The following AUTS2 variants were observed in gnomAD, a reference collection of about 807,000 sequenced individuals.
The protein encoded by AUTS2 is autism susceptibility gene 2 protein.
AUTS2 carries 17 observed loss-of-function variants against 112.4 expected under a neutral mutation model. The observed-to-expected ratio is 0.15, with a 90% CI of 0.10 to 0.23. AUTS2 has a LOEUF of 0.23. AUTS2 is among the 10% of genes least tolerant of loss of function. The probability of loss-of-function intolerance (pLI) is 1.00; values close to 1 mark genes in which losing one functional copy is unlikely to be tolerated. For synonymous variants in AUTS2, 751 were observed against 702.7 expected (o/e 1.07, Z -1.09); for missense variants, 1,510 against 1,701.6 (o/e 0.89, Z 1.98).
chr7:70,460,753 C>T (rs1004388002), intron 5 of AUTS2, among the ~76,000 whole-genome samples: 1 of 152,162 alleles, frequency 6.6e-6, no homozygotes, highest in South Asian at 2.1e-4. Context: ...TCGAATGTCT[C>T]TGTCTCCATT....
intron 6 of AUTS2, among the ~76,000 whole-genome samples, chr7:70,760,902 T>G (rs765707084): frequency 7.9e-5 from 12 of 152,230 alleles, no homozygotes; most frequent in Non-Finnish European, 1.6e-4. Context: ...CTGAAGCATG[T>G]GAAGAAGGCA....
At chr7:70,118,031 A>G in intron 2 of AUTS2, 101 bp from the exon 3 acceptor site, 1 of 1,368,454 alleles carries the variant, frequency 7.3e-7, no homozygotes, top group South Asian at 1.9e-5. Flanking sequence ...TACAGGCGTG[A>G]GCCACCGTGC....
At chr7:69,871,947 C>G (rs776145934) in intron 1 of AUTS2, among the ~76,000 whole-genome samples, 17 of 152,198 alleles carry the variant, frequency 1.1e-4, no homozygotes, top group Non-Finnish European at 2.2e-4. Flanking sequence ...TGCAGGCTCA[C>G]TGGAGTTCTA....
chr7:69,967,480 T>G (rs1331429625), intron 2 of AUTS2, among the ~76,000 whole-genome samples: 2 of 151,910 alleles, frequency 1.3e-5, no homozygotes, highest in African/African-American at 2.4e-5. Context: ...AGTCCTGGAG[T>G]GCAGTTTCCG....
intron 1 of AUTS2, among the ~76,000 whole-genome samples, chr7:69,794,697 C>G (rs912746182): frequency 6.6e-6 from 1 of 151,836 alleles, no homozygotes; most frequent in African/African-American, 2.4e-5. Flanking sequence ...AAGGTAAAGC[C>G]ACTCAATTAC....
intron 1 of AUTS2, among the ~76,000 whole-genome samples, chr7:69,662,091 T>C (rs914942594): frequency 6.6e-6 from 1 of 152,146 alleles, no homozygotes; most frequent in African/African-American, 2.4e-5. Flanking sequence ...CATGTATACT[T>C]CTTATTCCCT....
intron 5 of AUTS2, among the ~76,000 whole-genome samples, chr7:70,592,208 CTTCT>C (rs1802981474): frequency 6.6e-6 from 1 of 152,122 alleles, no homozygotes; most frequent in Admixed American, 6.5e-5. Context: ...AGGGCAGAAT[CTTCT>C]TTCTTCTCTT....
chr7:69,803,746 T>G (rs1406074805), intron 1 of AUTS2, among the ~76,000 whole-genome samples: 3 of 152,238 alleles, frequency 2.0e-5, no homozygotes, highest in Admixed American at 6.5e-5. Context: ...TTTCATTTTC[T>G]AGGCCAGGCA....
chr7:70,460,550 C>T (rs1796922714), intron 5 of AUTS2, among the ~76,000 whole-genome samples: 1 of 151,782 alleles, frequency 6.6e-6, no homozygotes, highest in African/African-American at 2.4e-5. Flanking sequence ...GGGGTTTCAC[C>T]ATGTTGGCCA....
intron 4 of AUTS2, among the ~76,000 whole-genome samples, chr7:70,240,377 A>G (rs556419245): frequency 6.6e-6 from 1 of 152,324 alleles, no homozygotes; most frequent in Non-Finnish European, 1.5e-5. Flanking sequence ...TTGATAATAC[A>G]TATGTGGTTT....
chr7:70,785,995 A>G lies in AUTS2; in HGVS notation c.2265A>G (p.Ala755=). 1.2e-6 allele frequency: 2 copies of G among 1,614,158 alleles called. No individual in the cohort carries two copies. Among genetic ancestry groups the G allele is most frequent in the South Asian group, 1.1e-5 (1 of 91,080 alleles). The change falls in exon 17 of 19, where the codon GCA becomes GCG. Residue 755 remains alanine (A), a synonymous_variant. Coordinates refer to ENST00000342771, the MANE Select transcript of AUTS2 (RefSeq NM_015570.4). ...CGTCTACATTCACAGGCCTAGCAGC[A>G]GTTGGTGGCAATGCCTTCGGGGGAC... ...NRPSTFTGLA[A]VGGNAFGGLG...
chr7:70,147,221 TAA>T (rs894476526), intron 4 of AUTS2, among the ~76,000 whole-genome samples: 1 of 141,538 alleles, frequency 7.1e-6, no homozygotes, highest in Non-Finnish European at 1.5e-5. Flanking sequence ...CAATATCTCT[TAA>T]AAAAAAAAAA....
intron 2 of AUTS2, among the ~76,000 whole-genome samples, chr7:70,007,770 G>C (rs1305809539): frequency 6.6e-6 from 1 of 152,178 alleles, no homozygotes; most frequent in East Asian, 1.9e-4. Flanking sequence ...TTTGTCATTT[G>C]CTCATCTATG....
chr7:70,397,336 A>T (rs1371085252), intron 4 of AUTS2, among the ~76,000 whole-genome samples: 2 of 152,062 alleles, frequency 1.3e-5, no homozygotes, highest in African/African-American at 4.8e-5. Flanking sequence ...AAGTGCTGGG[A>T]TTACAGGCAT....
intron 2 of AUTS2, among the ~76,000 whole-genome samples, chr7:69,990,424 C>T (rs1023687642): frequency 1.3e-5 from 2 of 152,084 alleles, no homozygotes; most frequent in Non-Finnish European, 2.9e-5. Context: ...CAGATGAATT[C>T]GCTTTTATAT....
At chr7:70,630,946 C>T (rs1051703594) in intron 5 of AUTS2, among the ~76,000 whole-genome samples, 27 of 152,178 alleles carry the variant, frequency 1.8e-4, no homozygotes, top group Non-Finnish European at 1.5e-5. Context: ...AATTTTACTC[C>T]ATCTGTTCCT....
chr7:70,116,339 G>C (rs1424697860), intron 2 of AUTS2, among the ~76,000 whole-genome samples: 2 of 152,114 alleles, frequency 1.3e-5, no homozygotes, highest in Non-Finnish European at 2.9e-5. Flanking sequence ...TGGAGACTTG[G>C]GGAAAGCTGA....
chr7:70,078,756 G>A (rs547502965), intron 2 of AUTS2, among the ~76,000 whole-genome samples: 4 of 152,330 alleles, frequency 2.6e-5, no homozygotes, highest in Non-Finnish European at 4.4e-5. Flanking sequence ...GGTGGAGAAA[G>A]TAGAGAATGA....
chr7:69,842,553 C>T (rs1045926452), intron 1 of AUTS2, among the ~76,000 whole-genome samples: 3 of 152,166 alleles, frequency 2.0e-5, no homozygotes, highest in Admixed American at 2.0e-4. Flanking sequence ...GTGGGATATT[C>T]TTTGCCCCTC....
Sources: gnomAD v4.1 joint callset for allele counts (sites outside exome capture counted in the v4.1 genomes callset) on GRCh38, gnomAD v4.1.1 for gene constraint, MANE v1.5 for transcripts, NCBI Gene and HGNC (gene_info 2026-07-23, HGNC 2026-07-21) for gene names.